Variants in BNIP3L observed in about 807,000 individuals in gnomAD.
BNIP3L encodes the protein BCL2 interacting protein 3 like.
Under a neutral mutation model 25.5 loss-of-function variants are expected in BNIP3L, and 10 were observed. The observed-to-expected ratio is 0.39, with a 90% CI of 0.24 to 0.67. The LOEUF is 0.67. Ranked by LOEUF, BNIP3L falls within the 30% of genes least tolerant of loss-of-function variation. BNIP3L has a pLI of 0.45. For synonymous variants in BNIP3L, 113 were observed against 101.2 expected (o/e 1.12, Z -0.70); for missense variants, 215 against 270.9 (o/e 0.79, Z 1.45).
chr8:26,408,890 AAG>A (rs536114514), intron 5 of BNIP3L, among the ~76,000 whole-genome samples: 33,216 of 112,600 alleles, frequency 0.29, 4,775 homozygotes, highest in East Asian at 0.49. Context: ...AAAAAAAAAA[AAG>A]AAGATGTTCA....
rs142942676 is a variant in BNIP3L at position 26,395,542 on chromosome 8, A to G, written c.357+240A>G. 73 of 480,038 alleles carry G rather than the reference A, an allele frequency of 1.5e-4. 1 individual carries two copies. The highest frequency in any genetic ancestry group is 4.7e-4 in the East Asian group (13 of 27,474). The allele number at this position is 480,038 out of a possible 1,614,324, so 29.7% of individuals were successfully genotyped here. On this transcript the variant is annotated intron_variant, in intron 3 of 5. Transcript: ENST00000380629. ...TTCTTGTCCATAATAAATCATGCCA[A>G]TACTCCAGGCTAGTTTCTTGAGTGT...
intron 3 of BNIP3L, among the ~76,000 whole-genome samples, chr8:26,399,822 A>C (rs1190727637): frequency 3.9e-5 from 3 of 76,590 alleles, no homozygotes. Context: ...CAATTGCTTC[A>C]AAGAGAATAA....
At chr8:26,402,869 A>G (rs1243239868) in intron 3 of BNIP3L, among the ~76,000 whole-genome samples, 3 of 152,222 alleles carry the variant, frequency 2.0e-5, no homozygotes, top group Non-Finnish European at 4.4e-5. Flanking sequence ...TCCCTTAAGA[A>G]CTTAATAACT....
At position 26,408,392 on chromosome 8, in the gene BNIP3L, C is replaced by T. The variant is rs202020745; in HGVS notation, c.611+16C>T. ...TGGGGCTAGGGTAAGTACCGGTCAACTCCTGAAGTTTTTTCCATTCATTTT... is the reference window on the plus strand; with the variant it reads ...TGGGGCTAGGGTAAGTACCGGTCAATTCCTGAAGTTTTTTCCATTCATTTT... On this transcript the variant is annotated intron_variant, in intron 5 of 5. Transcript: ENST00000380629. 7.4e-5 allele frequency: 118 copies of T among 1,591,544 alleles called. No homozygotes were observed. The highest frequency in any genetic ancestry group is 3.5e-4 in the Admixed American group (19 of 54,990).
intron 1 of BNIP3L, chr8:26,390,392 G>T (rs1806076766): frequency 6.1e-6 from 6 of 985,248 alleles, no homozygotes; most frequent in Non-Finnish European, 7.2e-6. Context: ...TTTTGTCCAA[G>T]AAAACTTTTC....
rs1313531424 is a variant in BNIP3L, at chr8:26,383,100, C to G, written c.-31C>G. Reference sequence around the variant, plus strand: ...TGCCTGAGTGCCGGAGACGGTCCTGCTGCTGCCGCAGTCCTGCCAGCTGTC... The same window carrying G: ...TGCCTGAGTGCCGGAGACGGTCCTGGTGCTGCCGCAGTCCTGCCAGCTGTC... On this transcript the variant is annotated 5_prime_UTR_variant, in exon 1 of 6. Coordinates refer to ENST00000380629, the MANE Select transcript of BNIP3L (RefSeq NM_004331.3). 1.3e-6 allele frequency: 2 copies of G among 1,563,386 alleles called. No homozygotes were observed. The highest frequency in any genetic ancestry group is 1.7e-4 in the Middle Eastern group (1 of 5,968).
chr8:26,395,415 T>C (rs890735047), intron 3 of BNIP3L, 113 bp downstream of exon 3: 7 of 1,157,000 alleles, frequency 6.1e-6, no homozygotes, highest in Admixed American at 2.5e-5. Flanking sequence ...GAAGCTATTA[T>C]TGAGTTTCTG....
At chr8:26,404,822 A>G (rs539627120) in intron 3 of BNIP3L, among the ~76,000 whole-genome samples, 4 of 152,162 alleles carry the variant, frequency 2.6e-5, no homozygotes, top group African/African-American at 7.2e-5. Flanking sequence ...TCTTCTTTGA[A>G]TAGATGTAGG....
At chr8:26,384,550 T>A (rs1240927706) in intron 1 of BNIP3L, among the ~76,000 whole-genome samples, 1 of 152,158 alleles carries the variant, frequency 6.6e-6, no homozygotes, top group Non-Finnish European at 1.5e-5. Flanking sequence ...TTTGCCCATG[T>A]TTAGCATACT....
chr8:26,411,136 T>C lies in BNIP3L; in HGVS notation c.*724T>C, dbSNP rs1053523616. On this transcript the variant is annotated 3_prime_UTR_variant, in exon 6 of 6. Coordinates refer to ENST00000380629, the MANE Select transcript of BNIP3L (RefSeq NM_004331.3). ...CATACTAGTATGTTGTAATGCTGTC[T>C]TTTCTATGGTGTAGAATCTTTCTTT... 1.3e-5 allele frequency: 2 copies of C among 151,848 alleles called. No homozygotes were observed. Among genetic ancestry groups the C allele is most frequent in the Non-Finnish European group, 3.0e-5 (2 of 67,644 alleles). The allele number at this position is 151,848 out of a possible 1,614,324, so 9.4% of individuals were successfully genotyped here.
In BNIP3L at chr8:26,412,523, G is replaced by A. The variant is rs1040708013; in HGVS notation, c.*2111G>A. 6.6e-6 allele frequency: 1 copy of A among 152,200 alleles called. No individual in the cohort carries two copies. The highest frequency in any genetic ancestry group is 2.4e-5 in the African/African-American group (1 of 41,440). The allele number at this position is 152,200 out of a possible 1,614,324, so 9.4% of individuals were successfully genotyped here. On this transcript the variant is annotated 3_prime_UTR_variant, in exon 6 of 6. Transcript: ENST00000380629. ...TTTCAGCGTTAAAAAGAAACATAGTGTTGCCCTTTTTCTTAAAGCATCAGT... is the reference window on the plus strand; with the variant it reads ...TTTCAGCGTTAAAAAGAAACATAGTATTGCCCTTTTTCTTAAAGCATCAGT...
At chr8:26,408,662 A>G (rs1240964688) in intron 5 of BNIP3L, among the ~76,000 whole-genome samples, 2 of 152,176 alleles carry the variant, frequency 1.3e-5, no homozygotes, top group African/African-American at 4.8e-5. Flanking sequence ...ACCTGAGGCC[A>G]GGAGTTCAAG....
intron 3 of BNIP3L, among the ~76,000 whole-genome samples, chr8:26,405,403 A>G (rs898279249): frequency 2.6e-5 from 4 of 152,226 alleles, no homozygotes; most frequent in African/African-American, 4.8e-5. Context: ...AGTAATCTCA[A>G]TAGCCAATGG....
chr8:26,391,492 G>C (rs1806111234), intron 2 of BNIP3L, 66 bp downstream of exon 2: 1 of 1,345,824 alleles, frequency 7.4e-7, no homozygotes, highest in Admixed American at 3.3e-5. Flanking sequence ...ATTCACTCTA[G>C]GAAAAATCTG....
intron 3 of BNIP3L, among the ~76,000 whole-genome samples, chr8:26,401,344 C>G (rs1196355995): frequency 6.8e-6 from 1 of 146,568 alleles, no homozygotes; most frequent in Non-Finnish European, 1.5e-5. Flanking sequence ...CATATTCTCA[C>G]TCATAGGTGG....
Position 26,391,276 on chromosome 8 carries a change from A to G in BNIP3L, c.134A>G (p.Asn45Ser), listed in dbSNP as rs772993850. The change falls in exon 2 of 6, where the codon AAT becomes AGT. Residue 45 changes from asparagine to serine, a missense_variant. Physicochemically the swap from Asn to Ser is conservative, Grantham distance 46 (BLOSUM62 1). This residue lies in a region of BNIP3L where 36 missense variants were observed against 75.2 expected (regional missense o/e 0.48). Coordinates refer to ENST00000380629, the MANE Select transcript of BNIP3L (RefSeq NM_004331.3). Reference sequence around the variant, plus strand: ...GTGGAGCTACCCATGAACAGCAGCAATGGCAATGATAATGGCAATGGGAAA... The same window carrying G: ...GTGGAGCTACCCATGAACAGCAGCAGTGGCAATGATAATGGCAATGGGAAA... ...SWVELPMNSS[N>S]GNDNGNGKNG... 22 of 1,611,468 alleles carry G rather than the reference A, an allele frequency of 1.4e-5. No individual in the cohort carries two copies. The highest frequency in any genetic ancestry group is 1.8e-5 in the Non-Finnish European group (21 of 1,178,952).
intron 5 of BNIP3L, among the ~76,000 whole-genome samples, chr8:26,409,995 A>G (rs896393084): frequency 1.3e-5 from 2 of 151,938 alleles, no homozygotes; most frequent in South Asian, 4.1e-4. Context: ...ATATTACTAT[A>G]TTTTTGTGTC....
At chr8:26,405,632 A>T (rs1234621855) in intron 3 of BNIP3L, among the ~76,000 whole-genome samples, 1 of 152,194 alleles carries the variant, frequency 6.6e-6, no homozygotes. Flanking sequence ...CTACCTACTG[A>T]AAAGAATGAC....
intron 1 of BNIP3L, among the ~76,000 whole-genome samples, 175 bp from the exon 2 acceptor site, chr8:26,391,068 A>G (rs1806097199): frequency 1.3e-5 from 2 of 152,318 alleles, no homozygotes; most frequent in South Asian, 4.1e-4. Flanking sequence ...TATTTCAGGA[A>G]CAGAACTATA....
Sources: gnomAD v4.1 joint callset for allele counts (sites outside exome capture counted in the v4.1 genomes callset) on GRCh38, gnomAD v4.1.1 for gene constraint, gnomAD v4.1.1 regional missense constraint, MANE v1.5 for transcripts, NCBI Gene and HGNC (gene_info 2026-07-23, HGNC 2026-07-21) for gene names.